The following PLXDC2 variants were observed in gnomAD, a reference collection of about 807,000 sequenced individuals.
PLXDC2 encodes the protein plexin domain-containing protein 2.
Under a neutral mutation model 68.9 loss-of-function variants are expected in PLXDC2, and 40 were observed. That is an observed-to-expected ratio of 0.58 (90% CI 0.45 to 0.76). The LOEUF (loss-of-function observed/expected upper bound fraction) is 0.76, where lower values mean the gene tolerates loss of function less well. PLXDC2 is among the 30% of genes least tolerant of loss of function. The pLI, the probability that PLXDC2 is intolerant of heterozygous loss-of-function variation, is 0.00. For synonymous variants in PLXDC2, 243 were observed against 234.2 expected, an observed-to-expected ratio of 1.04 and a Z score of -0.34; for missense variants, 644 against 661.9, an observed-to-expected ratio of 0.97 and a Z score of 0.30.
chr10:20,137,572 C>T (rs1833950223), intron 4 of PLXDC2, among the ~76,000 whole-genome samples: 1 of 152,208 alleles, frequency 6.6e-6, no homozygotes, highest in Non-Finnish European at 1.5e-5. Context: ...GTGGCCACCA[C>T]CCTGCTCTAA....
At chr10:20,001,171 G>C (rs370356448) in intron 1 of PLXDC2, among the ~76,000 whole-genome samples, 141 of 152,296 alleles carry the variant, frequency 9.3e-4, no homozygotes, top group African/African-American at 3.3e-3. Flanking sequence ...AAAGTGCAGG[G>C]ATGACTCCTG....
chr10:19,916,291 G>A (rs376094827), intron 1 of PLXDC2, among the ~76,000 whole-genome samples: 1 of 122,484 alleles, frequency 8.2e-6, no homozygotes, highest in East Asian at 2.3e-4. Context: ...GATTACAGGG[G>A]CACCTCACCA....
chr10:20,157,179 C>A (rs1370806367), intron 6 of PLXDC2, among the ~76,000 whole-genome samples: 1 of 152,238 alleles, frequency 6.6e-6, no homozygotes, highest in Admixed American at 6.5e-5. Context: ...TTAAGGGTTA[C>A]AGGCAGATAA....
intron 4 of PLXDC2, among the ~76,000 whole-genome samples, chr10:20,140,405 A>AATATCTATC (rs201306989): frequency 0.012 from 146 of 12,540 alleles, 2 homozygotes; most frequent in African/African-American, 0.021. Flanking sequence ...TATATATAAA[A>AATATCTATC]TATCTATCTA....
intron 4 of PLXDC2, among the ~76,000 whole-genome samples, chr10:20,075,490 A>G (rs1354728387): frequency 6.6e-6 from 1 of 152,068 alleles, no homozygotes; most frequent in Non-Finnish European, 1.5e-5. Flanking sequence ...GCGCCAAGCT[A>G]TGTTGTTTTG....
At position 19,816,885 on chromosome 10, in the gene PLXDC2, G is replaced by A. The variant is rs1217642021; in HGVS notation, c.-195G>A. The A allele has an allele frequency of 5.0e-6, 3 of 598,808 alleles. No individual in the cohort carries two copies. The allele number at this position is 598,808 out of a possible 1,614,324, so 37.1% of individuals were successfully genotyped here. On this transcript the variant is annotated 5_prime_UTR_variant, in exon 1 of 14. Coordinates refer to ENST00000377252, the MANE Select transcript of PLXDC2 (RefSeq NM_032812.9). ...AAAGAGAGCCTCAGAGGTCCGAAGA[G>A]CGCTGCGCTCCTACTCGCGTTCGCT...
intron 2 of PLXDC2, among the ~76,000 whole-genome samples, chr10:20,044,207 C>CTTTCTTTCTT (rs1409929525): frequency 3.3e-5 from 3 of 89,958 alleles, no homozygotes; most frequent in Non-Finnish European, 6.6e-5. Flanking sequence ...CTCTCTCTCT[C>CTTTCTTTCTT]TCTGTCTTTC....
chr10:20,254,096 G>C (rs1835712894), intron 13 of PLXDC2, among the ~76,000 whole-genome samples: 1 of 152,248 alleles, frequency 6.6e-6, no homozygotes, highest in African/African-American at 2.4e-5. Flanking sequence ...CGGCCCTATA[G>C]CCTGAGAAGC....
intron 3 of PLXDC2, among the ~76,000 whole-genome samples, chr10:20,050,334 C>A (rs190196954): frequency 1.3e-3 from 192 of 151,928 alleles, no homozygotes; most frequent in African/African-American, 4.4e-3. Context: ...ACCAAATGCA[C>A]TCACAATGAA....
chr10:19,905,965 G>A (rs77614630), intron 1 of PLXDC2, among the ~76,000 whole-genome samples: 3,401 of 151,760 alleles, frequency 0.022, 54 homozygotes, highest in African/African-American at 0.033. Flanking sequence ...ATATATCTGG[G>A]CCCTGTTCTA....
At chr10:19,919,805 A>G (rs1420431439) in intron 1 of PLXDC2, among the ~76,000 whole-genome samples, 2 of 152,212 alleles carry the variant, frequency 1.3e-5, no homozygotes, top group African/African-American at 4.8e-5. Flanking sequence ...GACACAACAC[A>G]ACAAGGTGAT....
intron 4 of PLXDC2, among the ~76,000 whole-genome samples, chr10:20,082,070 A>AAAAAAAAAAAAAAAAGAAAAAAC (rs1554765383): frequency 8.2e-6 from 1 of 121,932 alleles, no homozygotes; most frequent in Non-Finnish European, 1.8e-5. Context: ...AAATCAAAAA[A>AAAAAAAAAAAAAAAAGAAAAAAC]AAAAAACAGG....
intron 1 of PLXDC2, among the ~76,000 whole-genome samples, chr10:19,881,716 A>T (rs1479845576): frequency 5.3e-4 from 80 of 152,224 alleles, no homozygotes; most frequent in Non-Finnish European, 1.8e-4. Context: ...TGACAGTACT[A>T]AATAAAATTT....
intron 4 of PLXDC2, among the ~76,000 whole-genome samples, chr10:20,128,981 T>C (rs760980573): frequency 2.3e-4 from 35 of 152,154 alleles, no homozygotes; most frequent in Non-Finnish European, 4.6e-4. Flanking sequence ...CTGATTTCAC[T>C]TCCTCCGGAT....
At chr10:20,053,218 C>T (rs1835934614) in intron 3 of PLXDC2, among the ~76,000 whole-genome samples, 1 of 152,072 alleles carries the variant, frequency 6.6e-6, no homozygotes, top group Non-Finnish European at 1.5e-5. Flanking sequence ...TCTGTGTATA[C>T]TGGAATTTGA....
chr10:20,030,689 A>C (rs1396977348), intron 2 of PLXDC2, among the ~76,000 whole-genome samples: 1 of 152,076 alleles, frequency 6.6e-6, no homozygotes, highest in Non-Finnish European at 1.5e-5. Flanking sequence ...CTGAGCCCTG[A>C]CTGGTTTATA....
chr10:20,242,254 T>G (rs942493502), intron 12 of PLXDC2, among the ~76,000 whole-genome samples: 3 of 152,186 alleles, frequency 2.0e-5, no homozygotes, highest in African/African-American at 7.2e-5. Context: ...AAGCAACACA[T>G]TTTAAGGGCA....
chr10:19,967,882 A>G (rs1834289622), intron 1 of PLXDC2, among the ~76,000 whole-genome samples: 1 of 152,230 alleles, frequency 6.6e-6, no homozygotes, highest in African/African-American at 2.4e-5. Context: ...TTGTGTTTTC[A>G]GAGAACATGG....
At chr10:20,158,519 A>G (rs868564161) in intron 6 of PLXDC2, among the ~76,000 whole-genome samples, 1 of 84,368 alleles carries the variant, frequency 1.2e-5, no homozygotes, top group African/African-American at 4.0e-5. Flanking sequence ...AAAAAAAAAA[A>G]AAAAAAAATT....
Sources: allele counts gnomAD v4.1 joint callset (sites outside exome capture counted in the v4.1 genomes callset), GRCh38; gene constraint gnomAD v4.1.1; transcripts MANE v1.5; gene names NCBI Gene and HGNC (gene_info 2026-07-23, HGNC 2026-07-21).